The following ZNF496 variants were observed in gnomAD, a reference collection of about 807,000 sequenced individuals.
ZNF496 encodes the protein NSD1 (nuclear receptor binding SET-domain containing 1)-interacting zinc finger protein 1.
Under a neutral mutation model 58.9 loss-of-function variants are expected in ZNF496, and 11 were observed. The ratio of observed to expected loss-of-function variants is 0.19; its 90% CI spans 0.12 to 0.31. The LOEUF (loss-of-function observed/expected upper bound fraction) is 0.31. ZNF496 is among the 10% of genes least tolerant of loss of function. ZNF496 has a pLI of 1.00. For missense variants in ZNF496, 660 were observed against 783.0 expected (o/e 0.84, Z 1.88); for synonymous variants, 338 against 318.2 (o/e 1.06, Z -0.66).
rs963821232 is a variant in ZNF496 at position 247,307,254 on chromosome 1, A to G, written c.1006+1221T>C. 1.0e-5 allele frequency: 10 copies of G among 985,308 alleles called. No homozygotes were observed. The African/African-American group carries it at 1.2e-4, about 12-fold the overall frequency. 61.0% of individuals were successfully genotyped at this position (985,308 alleles called of 1,614,324 possible). ...AGGCAAGCTGGCAGGAGCTACCAAAATAAGTACAGTGCCCACTCTTTGAAA... is the reference window on the plus strand; with the variant it reads ...AGGCAAGCTGGCAGGAGCTACCAAAGTAAGTACAGTGCCCACTCTTTGAAA... On this transcript the variant is annotated intron_variant, in intron 9 of 9. Coordinates refer to ENST00000682384, the MANE Select transcript of ZNF496 (RefSeq NM_032752.3).
At chr1:247,318,993 C>T (rs1659871984) in intron 6 of ZNF496, among the ~76,000 whole-genome samples, 1 of 130,712 alleles carries the variant, frequency 7.7e-6, no homozygotes, top group Non-Finnish European at 1.7e-5. Context: ...CTTTCTTTTT[C>T]TTTTCTGATG....
At chr1:247,315,905 T>C (rs1484780887) in intron 6 of ZNF496, among the ~76,000 whole-genome samples, 1 of 152,178 alleles carries the variant, frequency 6.6e-6, no homozygotes, top group Non-Finnish European at 1.5e-5. Flanking sequence ...TGTATCTGAA[T>C]GAGCCCCTAA....
At chr1:247,328,130 C>A (rs1376676009) in intron 5 of ZNF496, among the ~76,000 whole-genome samples, 1 of 152,204 alleles carries the variant, frequency 6.6e-6, no homozygotes, top group Non-Finnish European at 1.5e-5. Flanking sequence ...GAAAAAACTA[C>A]TTTCCTGTAG....
intron 6 of ZNF496, chr1:247,311,915 C>G (rs1365600041): frequency 6.6e-6 from 1 of 152,294 alleles, no homozygotes; most frequent in Admixed American, 6.5e-5. Context: ...CTGCTGTGGT[C>G]CCCTGCTTGC....
intron 6 of ZNF496, chr1:247,322,796 G>A: frequency 7.7e-7 from 1 of 1,301,636 alleles, no homozygotes; most frequent in Non-Finnish European, 1.0e-6. Flanking sequence ...TTATTAAATT[G>A]AAAAATTCTC....
chr1:247,298,174 CTATT>C lies in ZNF496; in HGVS notation c.*2341_*2344del, dbSNP rs1319422067. The C allele has an allele frequency of 2.0e-5, 3 of 152,142 alleles. No homozygotes were observed. The highest frequency in any genetic ancestry group is 7.2e-5 in the African/African-American group (3 of 41,444). The allele number at this position is 152,142 out of a possible 1,614,324, so 9.4% of individuals were successfully genotyped here. On this transcript the variant is annotated 3_prime_UTR_variant, in exon 10 of 10. Coordinates refer to ENST00000682384, the MANE Select transcript of ZNF496 (RefSeq NM_032752.3). ...CAGCTATGTTGATACAAGAGACAAA[CTATT>C]TAGAAAGTAAAAGCCTCAACCGTTT...
chr1:247,300,777 G>C lies in ZNF496; in HGVS notation c.1506C>G (p.Ser502=), dbSNP rs780619810. 6.2e-7 allele frequency: 1 copy of C among 1,603,388 alleles called. No individual in the cohort carries two copies. Among genetic ancestry groups the C allele is most frequent in the Non-Finnish European group, 8.5e-7 (1 of 1,172,480 alleles). ...CTTTGGGACCCTTGTCCGCGTCCTC[G>C]GATGCCGCCTGCTCTCTCTTCTCCA... The part of the protein sequence containing the change: ...QPVEKREQAA[S]EDADKGPKEP... Residue 502 remains serine, a synonymous_variant, in exon 10 of 10, where the codon TCC becomes TCG. Transcript: ENST00000682384. This position sits in a 1 kb window ranked among gnomAD's most constrained non-coding sequence, Gnocchi z 5.7.
intron 7 of ZNF496, chr1:247,310,009 G>C: frequency 1.4e-6 from 2 of 1,404,202 alleles, no homozygotes; most frequent in Non-Finnish European, 1.9e-6. Context: ...GGGTCTCTCT[G>C]AGGCTTTCGG....
chr1:247,318,057 T>C (rs759325408), intron 6 of ZNF496, among the ~76,000 whole-genome samples: 12 of 152,102 alleles, frequency 7.9e-5, no homozygotes, highest in Non-Finnish European at 1.0e-4. Flanking sequence ...AATAACTAAC[T>C]GGAAATGTGA....
At position 247,331,783 on chromosome 1, in the gene ZNF496, C is replaced by G. The variant is rs1660338651; in HGVS notation, c.-370+7G>C. Reference sequence around the variant, plus strand: ...GGGGCCGGCCGCGGGAGCCGGGGTGCACTCACCGCCGCGGCGCGTCCCTGT... The same window carrying G: ...GGGGCCGGCCGCGGGAGCCGGGGTGGACTCACCGCCGCGGCGCGTCCCTGT... On this transcript the variant is annotated splice_region_variant and intron_variant, in intron 1 of 9. Coordinates refer to ENST00000682384, the MANE Select transcript of ZNF496 (RefSeq NM_032752.3). The G allele has an allele frequency of 6.7e-6, 1 of 148,940 alleles. No individual in the cohort carries two copies. Among genetic ancestry groups the G allele is most frequent in the African/African-American group, 2.4e-5 (1 of 41,000 alleles). 9.2% of individuals were successfully genotyped at this position (148,940 alleles called of 1,614,324 possible).
At chr1:247,301,418 G>T (rs1572067673) in intron 9 of ZNF496, 142 bp from the exon 10 acceptor site, 1 of 1,013,392 alleles carries the variant, frequency 9.9e-7, no homozygotes, top group Middle Eastern at 2.9e-4. Flanking sequence ...GGCCTGGCCA[G>T]CCCTGCAGGG....
In ZNF496 at chr1:247,298,067, G is replaced by A. The variant is rs1040511606; in HGVS notation, c.*2452C>T. 6.6e-6 allele frequency: 1 copy of A among 152,162 alleles called. No homozygotes were observed. Among genetic ancestry groups the A allele is most frequent in the Non-Finnish European group, 1.5e-5 (1 of 68,042 alleles). The allele number at this position is 152,162 out of a possible 1,614,324, so 9.4% of individuals were successfully genotyped here. A position where few individuals can be genotyped will look rare whatever the true frequency, so the allele number is the denominator to read the frequency against. On this transcript the variant is annotated 3_prime_UTR_variant, in exon 10 of 10. Coordinates refer to ENST00000682384, the MANE Select transcript of ZNF496 (RefSeq NM_032752.3). ...CACAGGTAGGAGCACACAGGTAGGT[G>A]GGGTAAACGTGTACAGAGAGCCTGG...
intron 5 of ZNF496, among the ~76,000 whole-genome samples, chr1:247,326,718 T>C (rs1660139911): frequency 6.6e-6 from 1 of 152,166 alleles, no homozygotes; most frequent in Non-Finnish European, 1.5e-5. Flanking sequence ...CGACTGAGTA[T>C]TTGGAGATAG....
intron 6 of ZNF496, among the ~76,000 whole-genome samples, chr1:247,316,216 C>T (rs1327890274): frequency 1.1e-5 from 1 of 90,616 alleles, no homozygotes; most frequent in African/African-American, 4.5e-5. Flanking sequence ...CGCGCGTGCG[C>T]GTGTGTGTGT....
intron 5 of ZNF496, among the ~76,000 whole-genome samples, chr1:247,326,943 C>A (rs1293480314): frequency 6.6e-5 from 10 of 152,134 alleles, no homozygotes; most frequent in Non-Finnish European, 1.3e-4. Context: ...TGAAAGAAAA[C>A]CGCCCGTCAT....
chr1:247,314,673 TCA>T (rs1659713747), intron 6 of ZNF496, among the ~76,000 whole-genome samples: 1 of 152,184 alleles, frequency 6.6e-6, no homozygotes, highest in Non-Finnish European at 1.5e-5. Context: ...TGGAAAACTA[TCA>T]GTTACTGTCA....
Position 247,300,851 on chromosome 1 carries a change from G to C in ZNF496, c.1432C>G (p.Leu478Val). ...CGKSFRLNSH[L>V]LSHRRIHLQP... ...AGGTGTATCCGCCGGTGGGAGAGCA[G>C]GTGGGAGTTCAGGCGGAAGCTCTTC... is the stretch of plus-strand genomic sequence containing the variant. Residue 478 changes from leucine (L) to valine (V), a missense_variant, in exon 10 of 10, where the codon CTG (leucine) becomes GTG (valine). Physicochemically the swap from Leu to Val is conservative, Grantham distance 32 (BLOSUM62 1). Coordinates refer to ENST00000682384, the MANE Select transcript of ZNF496 (RefSeq NM_032752.3). This position sits in a 1 kb window ranked among gnomAD's most constrained non-coding sequence, Gnocchi z 5.7. 6.2e-7 allele frequency: 1 copy of C among 1,610,846 alleles called. No individual in the cohort carries two copies. The highest frequency in any genetic ancestry group is 1.1e-5 in the South Asian group (1 of 90,644).
In ZNF496 at chr1:247,329,169, G is replaced by T; in HGVS notation, c.390+20C>A. The T allele has an allele frequency of 6.2e-7, 1 of 1,613,178 alleles. No individual in the cohort carries two copies. Among genetic ancestry groups the T allele is most frequent in the African/African-American group, 1.3e-5 (1 of 75,040 alleles). On this transcript the variant is annotated intron_variant, in intron 4 of 9. Coordinates refer to ENST00000682384, the MANE Select transcript of ZNF496 (RefSeq NM_032752.3). The surrounding 1 kb of genome is among the most constrained non-coding windows in gnomAD (Gnocchi z 5.5). ...AAGTACCAGATCTCTACCCGTCCCAGCCCCACCTCTTCTACTCACCCACTG... is the reference window on the plus strand; with the variant it reads ...AAGTACCAGATCTCTACCCGTCCCATCCCCACCTCTTCTACTCACCCACTG...
intron 6 of ZNF496, among the ~76,000 whole-genome samples, chr1:247,319,680 TTG>T (rs1659896629): frequency 6.6e-6 from 1 of 152,182 alleles, no homozygotes; most frequent in African/African-American, 2.4e-5. Context: ...CCCAGCACTT[TTG>T]GAGGACGAAG....
Sources: gnomAD v4.1 joint callset for allele counts (sites outside exome capture counted in the v4.1 genomes callset) on GRCh38, gnomAD v4.1.1 for gene constraint, Gnocchi (gnomAD v3.1) non-coding constraint, MANE v1.5 for transcripts, NCBI Gene and HGNC (gene_info 2026-07-23, HGNC 2026-07-21) for gene names.